Variants in ARHGEF33 observed in about 807,000 individuals in gnomAD.
ARHGEF33 encodes the protein Rho guanine nucleotide exchange factor 33, also known as DH and coiled-coil domain-containing protein ENSP00000381780.
In ARHGEF33, 72 loss-of-function variants were observed where a neutral mutation model predicts 101.9. The ratio of observed to expected loss-of-function variants is 0.71; its 90% CI spans 0.58 to 0.86. The LOEUF (loss-of-function observed/expected upper bound fraction) is 0.86. Among genes scored for constraint, ARHGEF33 ranks in the 40% least tolerant of loss-of-function variants. ARHGEF33 has a pLI of 0.00. For missense variants in ARHGEF33, 1,169 were observed against 1,111.3 expected (o/e 1.05, Z -0.74); for synonymous variants, 499 against 442.5 (o/e 1.13, Z -1.60).
At chr2:38,963,842 C>T (rs962901141) in intron 16 of ARHGEF33, among the ~76,000 whole-genome samples, 3 of 152,074 alleles carry the variant, frequency 2.0e-5, no homozygotes, top group Non-Finnish European at 4.4e-5. Flanking sequence ...AGTCAGTGGT[C>T]CCCGACTTTT....
chr2:38,914,664 CAAAAAAAAAAA>C (rs199737558), intron 2 of ARHGEF33, among the ~76,000 whole-genome samples: 1 of 95,956 alleles, frequency 1.0e-5, no homozygotes, highest in Non-Finnish European at 2.1e-5. Context: ...GACTCCATCT[CAAAAAAAAAAA>C]AAAAAAAAAG....
At chr2:38,900,381 G>T (rs1299959695) in intron 2 of ARHGEF33, among the ~76,000 whole-genome samples, 1 of 152,158 alleles carries the variant, frequency 6.6e-6, no homozygotes, top group African/African-American at 2.4e-5. Flanking sequence ...TATTTCATTA[G>T]ATAAAGAAAG....
intron 4 of ARHGEF33, among the ~76,000 whole-genome samples, chr2:38,925,124 T>C (rs143568346): frequency 1.1e-3 from 163 of 152,328 alleles, no homozygotes; most frequent in African/African-American, 3.7e-3. Flanking sequence ...ATTTCAAGCA[T>C]ATAAACATCT....
At chr2:38,919,593 A>G (rs902982955) in intron 3 of ARHGEF33, 121 bp downstream of exon 3, 2 of 1,032,058 alleles carry the variant, frequency 1.9e-6, no homozygotes, top group African/African-American at 1.6e-5. Context: ...CCCTATCATC[A>G]TATAATGACT....
intron 17 of ARHGEF33, among the ~76,000 whole-genome samples, chr2:38,971,200 A>G (rs1346644548): frequency 6.6e-6 from 1 of 152,206 alleles, no homozygotes; most frequent in Non-Finnish European, 1.5e-5. Context: ...AGCTCCAAAC[A>G]AAAGGTTTAT....
intron 8 of ARHGEF33, 125 bp downstream of exon 8, chr2:38,935,959 A>G (rs1667117836): frequency 1.2e-6 from 1 of 819,564 alleles, no homozygotes; most frequent in African/African-American, 1.7e-5. Flanking sequence ...AGATAAAGTT[A>G]TGAAGTTACG....
rs752151423 is a variant in ARHGEF33 at position 38,940,431 on chromosome 2, C to CT, written c.790+2887dup. Among the ~76,000 whole-genome samples the CT allele has an allele frequency of 6.5e-3, 920 of 142,386 alleles. 5 individuals carry two copies. The highest frequency in any genetic ancestry group is 0.015 in the Middle Eastern group (4 of 272). The allele number at this position is 142,386 out of a possible 152,430, so 93.4% of individuals were successfully genotyped here. A position where few individuals can be genotyped will look rare whatever the true frequency, so the allele number is the denominator to read the frequency against. On this transcript the variant is annotated intron_variant, in intron 9 of 17. Coordinates refer to ENST00000409978, the MANE Select transcript of ARHGEF33 (RefSeq NM_001145451.5). ...GGCACAAGCCACTATGCCCAGCCAT[C>CT]TTTTTTTTTTTTTTTAAAGAGCATT... is the stretch of plus-strand genomic sequence containing the variant.
intron 2 of ARHGEF33, among the ~76,000 whole-genome samples, chr2:38,908,246 C>T (rs1287453429): frequency 6.6e-6 from 1 of 151,986 alleles, no homozygotes; most frequent in East Asian, 1.9e-4. Context: ...AGAGTCAAGT[C>T]AGGATAAGAA....
At chr2:38,935,725 G>A (rs1267945378) in intron 7 of ARHGEF33, 50 bp from the exon 8 acceptor site, 36 of 1,489,698 alleles carry the variant, frequency 2.4e-5, no homozygotes, top group Non-Finnish European at 3.3e-5. Flanking sequence ...AAGGTGCTTA[G>A]TCCATGTTAG....
chr2:38,942,796 GCATC>G (rs1558436607), intron 9 of ARHGEF33, among the ~76,000 whole-genome samples: 4 of 152,126 alleles, frequency 2.6e-5, no homozygotes, highest in Non-Finnish European at 5.9e-5. Flanking sequence ...AAATGTATGA[GCATC>G]CTTAGCTAAA....
At position 38,940,190 on chromosome 2, in the gene ARHGEF33, A is replaced by G. The variant is rs138479805; in HGVS notation, c.790+2631A>G. Among the ~76,000 whole-genome samples, 447 of 152,332 alleles carry G rather than the reference A, an allele frequency of 2.9e-3. 2 individuals are homozygous for G. The highest frequency in any genetic ancestry group is 0.01 in the African/African-American group (425 of 41,586). The stretch of plus-strand genomic sequence containing the variant: ...CAGTATTGAGTCTTCCATTTAAAGA[A>G]CATGGTATATCTCTTCATTTATATA... On this transcript the variant is annotated intron_variant, in intron 9 of 17. Coordinates refer to ENST00000409978, the MANE Select transcript of ARHGEF33 (RefSeq NM_001145451.5).
chr2:38,912,441 G>A (rs1466645981), intron 2 of ARHGEF33, among the ~76,000 whole-genome samples: 2 of 152,118 alleles, frequency 1.3e-5, no homozygotes, highest in African/African-American at 4.8e-5. Context: ...ACCTTTCTGT[G>A]TAATCCTGTT....
chr2:38,901,848 G>C (rs1362876437), intron 2 of ARHGEF33, among the ~76,000 whole-genome samples: 2 of 152,140 alleles, frequency 1.3e-5, no homozygotes, highest in Non-Finnish European at 2.9e-5. Context: ...GGGCACGGTG[G>C]CTCACGCCTG....
chr2:38,921,378 G>A lies in ARHGEF33; in HGVS notation c.30G>A (p.Glu10=), dbSNP rs1666752787. ...CAAAGCTCTTTCTCCCTGCAGGAGA[G>A]AATGAACATATGCCGGTGAATAATC... MEKTKTKQG[E]NEHMPVNNPS... The change falls in exon 4 of 18, where the codon GAG becomes GAA. Residue 10 remains glutamate (E), a synonymous_variant. Coordinates refer to ENST00000409978, the MANE Select transcript of ARHGEF33 (RefSeq NM_001145451.5). 6.5e-7 allele frequency: 1 copy of A among 1,540,562 alleles called. No individual in the cohort carries two copies. Among genetic ancestry groups the A allele is most frequent in the Non-Finnish European group, 8.8e-7 (1 of 1,136,886 alleles).
intron 10 of ARHGEF33, 54 bp downstream of exon 10, chr2:38,944,084 G>A (rs1368347943): frequency 1.3e-6 from 2 of 1,493,856 alleles, no homozygotes; most frequent in East Asian, 2.5e-5. Context: ...TTTAAGGTAA[G>A]TGGTTTATTG....
chr2:38,911,730 G>A lies in ARHGEF33; in HGVS notation c.-85-7633G>A, dbSNP rs183786606. Among the ~76,000 whole-genome samples, 407 of 152,180 alleles carry A rather than the reference G, an allele frequency of 2.7e-3. 5 individuals carry two copies. Among genetic ancestry groups the A allele is most frequent in the Non-Finnish European group, 3.2e-3 (217 of 68,014 alleles). On this transcript the variant is annotated intron_variant, in intron 2 of 17. Transcript: ENST00000409978. ...TGATCTTCAAAGGAAATCCTTCCCC[G>A]CCAGGCACTGTGGCTCACGCCTGTA...
At chr2:38,894,494 A>G (rs930777015) in intron 1 of ARHGEF33, among the ~76,000 whole-genome samples, 4 of 152,192 alleles carry the variant, frequency 2.6e-5, no homozygotes, top group African/African-American at 9.7e-5. Flanking sequence ...TTAAAAACAA[A>G]CAAACAAACA....
chr2:38,954,852 T>C (rs1667701117), intron 13 of ARHGEF33, among the ~76,000 whole-genome samples: 1 of 152,186 alleles, frequency 6.6e-6, no homozygotes, highest in African/African-American at 2.4e-5. Flanking sequence ...CAGGCTGGTC[T>C]TGAACTCCTG....
chr2:38,951,010 G>A lies in ARHGEF33; in HGVS notation c.942G>A (p.Arg314=). The part of the protein sequence containing the change: ...KERSLFPGSL[R]YLVQQHLDLL... ...CAAGCCTCTTCCCTGGCTCTTTACG[G>A]TACCTCGTCCAGCAGCACCTGGATC... Residue 314 remains arginine, a synonymous_variant, in exon 11 of 18, where the codon CGG becomes CGA. Coordinates refer to ENST00000409978, the MANE Select transcript of ARHGEF33 (RefSeq NM_001145451.5). The A allele has an allele frequency of 6.4e-7, 1 of 1,552,212 alleles. No individual in the cohort carries two copies. The highest frequency in any genetic ancestry group is 8.7e-7 in the Non-Finnish European group (1 of 1,147,082).
Sources: allele counts gnomAD v4.1 joint callset (sites outside exome capture counted in the v4.1 genomes callset), GRCh38; gene constraint gnomAD v4.1.1; transcripts MANE v1.5; gene names NCBI Gene and HGNC (gene_info 2026-07-23, HGNC 2026-07-21).